Variants in RBFOX1 observed in about 807,000 individuals in gnomAD.
RBFOX1 encodes RNA binding protein fox-1 homolog 1.
Under a neutral mutation model 57.7 loss-of-function variants are expected in RBFOX1, and 8 were observed. The observed-to-expected ratio is 0.14, with a 90% CI of 0.08 to 0.25. The LOEUF is 0.25. RBFOX1 is among the 10% of genes least tolerant of loss of function. RBFOX1 has a pLI of 1.00. For missense variants in RBFOX1, 611 were observed against 548.5 expected, an observed-to-expected ratio of 1.11 and a Z score of -1.14; for synonymous variants, 326 against 222.4, an observed-to-expected ratio of 1.47 and a Z score of -4.15.
chr16:6,387,757 C>A (rs1276563779), intron 2 of RBFOX1, among the ~76,000 whole-genome samples: 1 of 152,044 alleles, frequency 6.6e-6, no homozygotes, highest in African/African-American at 2.4e-5. Flanking sequence ...ATCCATGCCC[C>A]TACTTCTCTA....
chr16:5,832,246 C>G (rs145993384), intron 3 of RBFOX1, among the ~76,000 whole-genome samples: 375 of 152,280 alleles, frequency 2.5e-3, no homozygotes, highest in African/African-American at 7.6e-3. Flanking sequence ...CCCAGGGCCT[C>G]CTGAAACAGG....
chr16:7,617,059 A>G (rs554158969), intron 10 of RBFOX1, among the ~76,000 whole-genome samples: 67 of 152,266 alleles, frequency 4.4e-4, no homozygotes, highest in African/African-American at 1.6e-3. Context: ...GAGGATGATG[A>G]TGGCATAAGA....
rs138485889 is a variant in RBFOX1, at chr16:5,419,854, G to A, written c.220-47362G>A. On this transcript the variant is annotated intron_variant, in intron 1 of 2. Coordinates refer to the RBFOX1 transcript ENST00000585867. ...GATGGAGAAGGAGTGTGGGTGGCCC[G>A]TAGGAGCAGAGAGGGACCCTGGGTG... Among the ~76,000 whole-genome samples, 44 of 152,212 alleles carry A rather than the reference G, an allele frequency of 2.9e-4. No individual in the cohort carries two copies. In the East Asian group the frequency reaches 5.2e-3, roughly 18 times the overall value.
chr16:6,912,372 G>A (rs761493573), intron 3 of RBFOX1, among the ~76,000 whole-genome samples: 2 of 151,600 alleles, frequency 1.3e-5, no homozygotes, highest in African/African-American at 2.4e-5. Context: ...TGTGGATCTC[G>A]GAGTGGGGAC....
intron 1 of RBFOX1, among the ~76,000 whole-genome samples, chr16:6,305,934 C>T (rs965039024): frequency 6.6e-6 from 1 of 152,096 alleles, no homozygotes; most frequent in African/African-American, 2.4e-5. Flanking sequence ...AGTTGAGCTT[C>T]AAGAAGGAGC....
chr16:7,436,083 C>G (rs1006732654), intron 4 of RBFOX1, among the ~76,000 whole-genome samples: 47 of 152,276 alleles, frequency 3.1e-4, no homozygotes, highest in African/African-American at 1.1e-3. Flanking sequence ...ATGCAAACAA[C>G]TCTGTTATGG....
rs529009713 is a variant in RBFOX1, at chr16:7,297,178, G to A, written c.28-220969G>A. On this transcript the variant is annotated intron_variant, in intron 4 of 15. Transcript: ENST00000550418. ...GCAGGGAGGAGGGAAGGCAGTTTGG[G>A]CCATGGCTTGTAGGAACAAAAAAGG... Among the ~76,000 whole-genome samples the A allele has an allele frequency of 2.6e-5, 4 of 152,276 alleles. No homozygotes were observed. In the South Asian group the frequency reaches 6.2e-4, roughly 24 times the overall value.
At chr16:6,597,374 C>T (rs533191269) in intron 2 of RBFOX1, among the ~76,000 whole-genome samples, 3 of 152,118 alleles carry the variant, frequency 2.0e-5, no homozygotes, top group African/African-American at 7.2e-5. Context: ...TCCTAGCCTC[C>T]TTTAAAACCA....
chr16:5,849,001 G>C (rs186511907), intron 3 of RBFOX1, among the ~76,000 whole-genome samples: 38 of 151,980 alleles, frequency 2.5e-4, no homozygotes, highest in African/African-American at 8.4e-4. Flanking sequence ...AAAGTAAGTG[G>C]GGTGAGGGCA....
intron 2 of RBFOX1, among the ~76,000 whole-genome samples, chr16:6,506,309 G>A (rs545070147): frequency 2.6e-5 from 4 of 152,212 alleles, no homozygotes; most frequent in Admixed American, 2.6e-4. Flanking sequence ...CCAGCAGGGA[G>A]TATGGGGAGC....
At chr16:5,763,869 C>G (rs756251149) in intron 3 of RBFOX1, among the ~76,000 whole-genome samples, 2 of 152,212 alleles carry the variant, frequency 1.3e-5, no homozygotes. Flanking sequence ...GCAACTCCTT[C>G]TTTTGGGTTT....
At chr16:6,989,421 G>T (rs183432927) in intron 3 of RBFOX1, among the ~76,000 whole-genome samples, 6 of 151,952 alleles carry the variant, frequency 3.9e-5, no homozygotes, top group Non-Finnish European at 8.8e-5. Context: ...ATTATTTAAC[G>T]GTGCAATTAG....
At chr16:6,628,456 A>G (rs1227593941) in intron 2 of RBFOX1, among the ~76,000 whole-genome samples, 1 of 152,238 alleles carries the variant, frequency 6.6e-6, no homozygotes, top group Non-Finnish European at 1.5e-5. Flanking sequence ...TGAAAGAATC[A>G]TAATATACTA....
At chr16:6,849,151 G>C (rs2093929638) in intron 3 of RBFOX1, among the ~76,000 whole-genome samples, 1 of 152,122 alleles carries the variant, frequency 6.6e-6, no homozygotes, top group Non-Finnish European at 1.5e-5. Context: ...GTGAAACAAA[G>C]GAACCAAGTA....
At chr16:5,780,730 A>G (rs553013291) in intron 3 of RBFOX1, among the ~76,000 whole-genome samples, 1 of 152,298 alleles carries the variant, frequency 6.6e-6, no homozygotes, top group South Asian at 2.1e-4. Context: ...TCCACCGTTA[A>G]GTCACTTGAG....
chr16:7,215,623 C>A (rs953008289), intron 4 of RBFOX1, among the ~76,000 whole-genome samples: 1 of 152,120 alleles, frequency 6.6e-6, no homozygotes, highest in Non-Finnish European at 1.5e-5. Context: ...ATCTTTATAA[C>A]CCTCAAAAGA....
chr16:7,674,537 C>A (rs764490160), intron 13 of RBFOX1, among the ~76,000 whole-genome samples: 13 of 152,168 alleles, frequency 8.5e-5, no homozygotes, highest in Non-Finnish European at 1.5e-4. Context: ...GATCTTAACC[C>A]TGGAATCAGG....
chr16:7,358,620 A>G (rs1175469153), intron 4 of RBFOX1, among the ~76,000 whole-genome samples: 1 of 152,140 alleles, frequency 6.6e-6, no homozygotes, highest in Non-Finnish European at 1.5e-5. Flanking sequence ...GGGTTTCACC[A>G]TGTTGGCCAA....
chr16:6,868,536 A>G (rs758988396), intron 3 of RBFOX1, among the ~76,000 whole-genome samples: 22 of 152,126 alleles, frequency 1.4e-4, no homozygotes, highest in Admixed American at 1.3e-3. Flanking sequence ...CGGTAGTATG[A>G]TAACGGCTCA....
Sources: allele counts gnomAD v4.1 joint callset (sites outside exome capture counted in the v4.1 genomes callset), GRCh38; gene constraint gnomAD v4.1.1; transcripts MANE v1.5; gene names NCBI Gene and HGNC (gene_info 2026-07-23, HGNC 2026-07-21).